The following KRTAP4-1 variants were observed in gnomAD, a reference collection of about 807,000 sequenced individuals.
KRTAP4-1 encodes the protein keratin associated protein 4-1.
For missense variants in KRTAP4-1, 155 were observed against 181.3 expected (o/e 0.85, Z 0.83); for synonymous variants, 52 against 58.3 (o/e 0.89, Z 0.50).
Position 41,184,152 on chromosome 17 carries a change from A to G in KRTAP4-1, c.*262T>C. ...AAGAACAGTTAATATGTAATTTTGA[A>G]GGTCAAATCAAGCATAACAGTCAGA... On this transcript the variant is annotated 3_prime_UTR_variant, in exon 1 of 1. Transcript: ENST00000398472. 2.2e-6 allele frequency: 1 copy of G among 464,356 alleles called. No individual in the cohort carries two copies. Among genetic ancestry groups the G allele is most frequent in the Non-Finnish European group, 3.7e-6 (1 of 269,138 alleles). 28.8% of individuals were successfully genotyped at this position (464,356 alleles called of 1,614,324 possible). A position where few individuals can be genotyped will look rare whatever the true frequency, so the allele number is the denominator to read the frequency against.
the KRTAP4-1 span, chr17:41,184,551 AGCTGG>A: frequency 1.2e-6 from 1 of 868,078 alleles, no homozygotes; most frequent in Non-Finnish European, 1.3e-6. Context: ...GGACGGCAGC[AGCTGG>A]ACATACCACA....
Position 41,184,188 on chromosome 17 carries a change from C to G in KRTAP4-1, c.*226G>C. 2 of 673,382 alleles carry G rather than the reference C, an allele frequency of 3.0e-6. No individual in the cohort carries two copies. Among genetic ancestry groups the G allele is most frequent in the Non-Finnish European group, 4.7e-6 (2 of 425,506 alleles). 41.7% of individuals were successfully genotyped at this position (673,382 alleles called of 1,614,324 possible). ...AGCATAACAGTCAGAAACTTAGAGG[C>G]TTAGTCTAACTGCATCATGCATCTG... On this transcript the variant is annotated 3_prime_UTR_variant, in exon 1 of 1. Coordinates refer to ENST00000398472, the MANE Select transcript of KRTAP4-1 (RefSeq NM_001386841.1).
At position 41,184,235 on chromosome 17, in the gene KRTAP4-1, G is replaced by T; in HGVS notation, c.*179C>A. ...TCTGAGGTCTGAATGCTGCTGGGAA[G>T]AGATCCATGGGAAAAATGAGTGGTA... is the stretch of plus-strand genomic sequence containing the variant. On this transcript the variant is annotated 3_prime_UTR_variant, in exon 1 of 1. Coordinates refer to ENST00000398472, the MANE Select transcript of KRTAP4-1 (RefSeq NM_001386841.1). 9.2e-7 allele frequency: 1 copy of T among 1,088,730 alleles called. No individual in the cohort carries two copies. The highest frequency in any genetic ancestry group is 1.3e-6 in the Non-Finnish European group (1 of 768,792). 67.4% of individuals were successfully genotyped at this position (1,088,730 alleles called of 1,614,324 possible).
Position 41,184,759 on chromosome 17 carries a change from G to A in KRTAP4-1, c.96C>T (p.Thr32=), listed in dbSNP as rs1007409. The A allele has an allele frequency of 1.2e-6, 2 of 1,614,166 alleles. No individual in the cohort carries two copies. Among genetic ancestry groups the A allele is most frequent in the South Asian group, 2.2e-5 (2 of 91,060 alleles). ...ETCCRPSCCQ[T]TCCCPSCVVS... Reference sequence around the variant, plus strand: ...CAACACAGCTGGGGCAGCAACAGGTGGTCTGGCAGCAGCTGGGGCGGCAGC... The same window carrying A: ...CAACACAGCTGGGGCAGCAACAGGTAGTCTGGCAGCAGCTGGGGCGGCAGC... The change falls in exon 1 of 1, where the codon ACC becomes ACT. Residue 32 remains threonine (T), a synonymous_variant. Transcript: ENST00000398472.
rs1332811675 is a variant in KRTAP4-1 at position 41,184,395 on chromosome 17, T to C, written c.*19A>G. 1.3e-6 allele frequency: 2 copies of C among 1,570,100 alleles called. No individual in the cohort carries two copies. The highest frequency in any genetic ancestry group is 1.7e-6 in the Non-Finnish European group (2 of 1,153,582). ...CATGGGATGGTGACTGGCTCATGGT[T>C]GATAGTCCAATATGAGGTTCAACAA... On this transcript the variant is annotated 3_prime_UTR_variant, in exon 1 of 1. Coordinates refer to ENST00000398472, the MANE Select transcript of KRTAP4-1 (RefSeq NM_001386841.1).
Position 41,184,341 on chromosome 17 carries a change from A to C in KRTAP4-1, c.*73T>G. 4.6e-6 allele frequency: 7 copies of C among 1,526,738 alleles called. No individual in the cohort carries two copies. The highest frequency in any genetic ancestry group is 6.2e-6 in the Non-Finnish European group (7 of 1,135,690). The allele number at this position is 1,526,738 out of a possible 1,614,324, so 94.6% of individuals were successfully genotyped here. The stretch of plus-strand genomic sequence containing the variant: ...AAGCTGATGGCCATTTAACACATGG[A>C]CAAGTTGATATAAATGACACTTTCA... On this transcript the variant is annotated 3_prime_UTR_variant, in exon 1 of 1. Coordinates refer to ENST00000398472, the MANE Select transcript of KRTAP4-1 (RefSeq NM_001386841.1).
Position 41,184,865 on chromosome 17 carries a change from G to C in KRTAP4-1, c.-11C>G. The C allele has an allele frequency of 6.2e-7, 1 of 1,613,636 alleles. No individual in the cohort carries two copies. Among genetic ancestry groups the C allele is most frequent in the Non-Finnish European group, 8.5e-7 (1 of 1,179,656 alleles). The stretch of plus-strand genomic sequence containing the variant: ...ACAAGAGTTAACCATGGTGTCAGAG[G>C]GTGGAGGTTCTAGGTAGGTTTCCAA... On this transcript the variant is annotated 5_prime_UTR_variant, in exon 1 of 1. Transcript: ENST00000398472.
chr17:41,184,820 T>A lies in KRTAP4-1; in HGVS notation c.35A>T (p.Asp12Val). The change falls in exon 1 of 1, where the codon GAC becomes GTC. Residue 12 changes from aspartate (D) to valine (V), a missense_variant. Physicochemically the swap from Asp to Val is radical, Grantham distance 152. Coordinates refer to ENST00000398472, the MANE Select transcript of KRTAP4-1 (RefSeq NM_001386841.1). ...VNSCCGSVCS[D>V]QGCDQGLCQE... Reference sequence around the variant, plus strand: ...GCAGAGGCCTTGATCACAGCCCTGGTCAGAGCAGACAGAGCCACAACAAGA... The same window carrying A: ...GCAGAGGCCTTGATCACAGCCCTGGACAGAGCAGACAGAGCCACAACAAGA... The A allele has an allele frequency of 6.2e-7, 1 of 1,614,160 alleles. No individual in the cohort carries two copies. Among genetic ancestry groups the A allele is most frequent in the East Asian group, 2.2e-5 (1 of 44,882 alleles).
Position 41,184,889 on chromosome 17 carries a change from A to C in KRTAP4-1, c.-35T>G. ...GGGTGGAGGTTCTAGGTAGGTTTCC[A>C]AGACAGTGAGTTTTTCGAATGTGGG... On this transcript the variant is annotated 5_prime_UTR_variant, in exon 1 of 1. Transcript: ENST00000398472. The C allele has an allele frequency of 6.2e-7, 1 of 1,611,920 alleles. No individual in the cohort carries two copies. Among genetic ancestry groups the C allele is most frequent in the Non-Finnish European group, 8.5e-7 (1 of 1,178,892 alleles).
chr17:41,184,253 G>A lies in KRTAP4-1; in HGVS notation c.*161C>T, dbSNP rs568846369. 6 of 1,243,962 alleles carry A rather than the reference G, an allele frequency of 4.8e-6. No individual in the cohort carries two copies. In the South Asian group the frequency reaches 7.8e-5, roughly 16 times the overall value. The allele number at this position is 1,243,962 out of a possible 1,614,324, so 77.1% of individuals were successfully genotyped here. A position where few individuals can be genotyped will look rare whatever the true frequency, so the allele number is the denominator to read the frequency against. On this transcript the variant is annotated 3_prime_UTR_variant, in exon 1 of 1. Transcript: ENST00000398472. The stretch of plus-strand genomic sequence containing the variant: ...CTGGGAAGAGATCCATGGGAAAAAT[G>A]AGTGGTATTAAATGTAGATGGATGC...
In KRTAP4-1 at chr17:41,184,728, T is replaced by A; in HGVS notation, c.127A>T (p.Ser43Cys). Residue 43 changes from serine to cysteine, a missense_variant, in exon 1 of 1, where the codon AGC becomes TGC. By Grantham distance (112) the Ser-to-Cys change is moderately radical. Coordinates refer to ENST00000398472, the MANE Select transcript of KRTAP4-1 (RefSeq NM_001386841.1). ...TGAGAGCAGGATGGGCGGCAGCAGCTGGATACAACACAGCTGGGGCAGCAA... is the reference window on the plus strand; with the variant it reads ...TGAGAGCAGGATGGGCGGCAGCAGCAGGATACAACACAGCTGGGGCAGCAA... Reference protein sequence around the residue: ...TCCCPSCVVSSCCRPSCSQTT... With the variant: ...TCCCPSCVVSCCCRPSCSQTT... The A allele has an allele frequency of 6.2e-7, 1 of 1,613,096 alleles. No individual in the cohort carries two copies. The highest frequency in any genetic ancestry group is 2.2e-5 in the East Asian group (1 of 44,802).
Position 41,184,889 on chromosome 17 carries a change from A to G in KRTAP4-1, c.-35T>C. 6.2e-7 allele frequency: 1 copy of G among 1,611,920 alleles called. No individual in the cohort carries two copies. The highest frequency in any genetic ancestry group is 8.5e-7 in the Non-Finnish European group (1 of 1,178,892). On this transcript the variant is annotated 5_prime_UTR_variant, in exon 1 of 1. Transcript: ENST00000398472. ...GGGTGGAGGTTCTAGGTAGGTTTCC[A>G]AGACAGTGAGTTTTTCGAATGTGGG...
Position 41,184,436 on chromosome 17 carries a change from C to A in KRTAP4-1, c.419G>T (p.Ser140Ile), listed in dbSNP as rs2015246872. 6.2e-7 allele frequency: 1 copy of A among 1,602,458 alleles called. No individual in the cohort carries two copies. The highest frequency in any genetic ancestry group is 8.5e-7 in the Non-Finnish European group (1 of 1,172,216). The change falls in exon 1 of 1, where the codon AGC becomes ATC. Residue 140 changes from serine (S) to isoleucine (I), a missense_variant. Ser to Ile is a moderately radical substitution (Grantham distance 142). Coordinates refer to ENST00000398472, the MANE Select transcript of KRTAP4-1 (RefSeq NM_001386841.1). ...GGTTCAACAAGAGGATCCACAGCAG[C>A]TGGGGCGGCAGCAAGTTGCACGGCA... ...TCCRATCCRP[S>I]CCGSSC
In KRTAP4-1 at chr17:41,184,297, G is replaced by A. The variant is rs1429907379; in HGVS notation, c.*117C>T. ...TGGATGCCCTTTCACCAGTTACTTAGTGGAATAACAGGATAATAAAGCTGA... is the reference window on the plus strand; with the variant it reads ...TGGATGCCCTTTCACCAGTTACTTAATGGAATAACAGGATAATAAAGCTGA... On this transcript the variant is annotated 3_prime_UTR_variant, in exon 1 of 1. Coordinates refer to ENST00000398472, the MANE Select transcript of KRTAP4-1 (RefSeq NM_001386841.1). The A allele has an allele frequency of 4.7e-6, 7 of 1,481,346 alleles. No homozygotes were observed. In the East Asian group the frequency reaches 1.4e-4, roughly 29 times the overall value. The allele number at this position is 1,481,346 out of a possible 1,614,324, so 91.8% of individuals were successfully genotyped here.
At position 41,184,484 on chromosome 17, in the gene KRTAP4-1, G is replaced by A. The variant is rs2015248714; in HGVS notation, c.371C>T (p.Pro124Leu). ...GCAGCAGGTGGTCTGACAGCAGAGT[G>A]GACGGCAGCAGCTGGACACACCACA... ...PSCGVSSCCR[P>L]LCCQTTCCRA... The change falls in exon 1 of 1, where the codon CCA (proline) becomes CTA (leucine). Residue 124 changes from proline (P) to leucine (L), a missense_variant. Coordinates refer to ENST00000398472, the MANE Select transcript of KRTAP4-1 (RefSeq NM_001386841.1). The A allele has an allele frequency of 6.2e-7, 1 of 1,611,260 alleles. No individual in the cohort carries two copies. Among genetic ancestry groups the A allele is most frequent in the Non-Finnish European group, 8.5e-7 (1 of 1,178,402 alleles).
chr17:41,184,893 C>A lies in KRTAP4-1; in HGVS notation c.-39G>T, dbSNP rs2015260778. On this transcript the variant is annotated 5_prime_UTR_variant, in exon 1 of 1. Coordinates refer to ENST00000398472, the MANE Select transcript of KRTAP4-1 (RefSeq NM_001386841.1). ...GGAGGTTCTAGGTAGGTTTCCAAGA[C>A]AGTGAGTTTTTCGAATGTGGGAATC... is the stretch of plus-strand genomic sequence containing the variant. 1 of 1,610,802 alleles carries A rather than the reference C, an allele frequency of 6.2e-7. No individual in the cohort carries two copies. Among genetic ancestry groups the A allele is most frequent in the African/African-American group, 1.3e-5 (1 of 74,866 alleles).
rs1335391687 is a variant in KRTAP4-1, at chr17:41,184,686, T to A, written c.169A>T (p.Thr57Ser). Residue 57 changes from threonine (T) to serine (S), a missense_variant, in exon 1 of 1, where the codon ACC (threonine) becomes TCC (serine). Thr to Ser is a moderately conservative substitution (Grantham distance 58). Transcript: ENST00000398472. Reference protein sequence around the residue: ...PSCSQTTCCQTTCCRPSCCHP... With the variant: ...PSCSQTTCCQSTCCRPSCCHP... The stretch of plus-strand genomic sequence containing the variant: ...CAGCAGCTGGGGCGACAGCAAGTGG[T>A]CTGGCAGCAGGTAGTCTGAGAGCAG... 4 of 1,611,992 alleles carry A rather than the reference T, an allele frequency of 2.5e-6. No homozygotes were observed. The highest frequency in any genetic ancestry group is 3.4e-6 in the Non-Finnish European group (4 of 1,178,596).
In KRTAP4-1 at chr17:41,184,225, CTG is replaced by C; in HGVS notation, c.*187_*188del. 2 of 5,302 alleles carry C rather than the reference CTG, an allele frequency of 3.8e-4. No individual in the cohort carries two copies. Among genetic ancestry groups the C allele is most frequent in the African/African-American group, 6.3e-3 (2 of 316 alleles). 0.3% of individuals were successfully genotyped at this position (5,302 alleles called of 1,614,324 possible). On this transcript the variant is annotated 3_prime_UTR_variant, in exon 1 of 1. Coordinates refer to ENST00000398472, the MANE Select transcript of KRTAP4-1 (RefSeq NM_001386841.1). ...GCATCATGCATCTGAGGTCTGAATGCTGCTGGGAAGAGATCCATGGGAAAAAT... is the reference window on the plus strand; with the variant it reads ...GCATCATGCATCTGAGGTCTGAATGCCTGGGAAGAGATCCATGGGAAAAAT...
chr17:41,184,744 G>A lies in KRTAP4-1; in HGVS notation c.111C>T (p.Pro37=), dbSNP rs769798959. The A allele has an allele frequency of 1.9e-6, 3 of 1,613,480 alleles. No homozygotes were observed. Among genetic ancestry groups the A allele is most frequent in the Non-Finnish European group, 2.5e-6 (3 of 1,179,864 alleles). ...GGCAGCAGCTGGATACAACACAGCTGGGGCAGCAACAGGTGGTCTGGCAGC... is the reference window on the plus strand; with the variant it reads ...GGCAGCAGCTGGATACAACACAGCTAGGGCAGCAACAGGTGGTCTGGCAGC... The part of the protein sequence containing the change: ...PSCCQTTCCC[P]SCVVSSCCRP... Residue 37 remains proline (P), a synonymous_variant, in exon 1 of 1, where the codon CCC becomes CCT. Transcript: ENST00000398472.
Sources: gnomAD v4.1 joint callset for allele counts on GRCh38, gnomAD v4.1.1 for gene constraint, MANE v1.5 for transcripts, NCBI Gene and HGNC (gene_info 2026-07-23, HGNC 2026-07-21) for gene names.